HSPA12A: variants seen among roughly 807,000 people sequenced by gnomAD.
The protein encoded by HSPA12A is heat shock protein family A (Hsp70) member 12A, also known as heat shock 70 kDa protein 12A.
In HSPA12A, 28 loss-of-function variants were observed where a neutral mutation model predicts 69.2. That is an observed-to-expected ratio of 0.40 (90% CI 0.30 to 0.55). The LOEUF is 0.55. HSPA12A is among the 20% of genes least tolerant of loss of function. HSPA12A has a pLI of 0.38. For synonymous variants in HSPA12A, 345 were observed against 370.5 expected (o/e 0.93, Z 0.79); for missense variants, 686 against 900.7 (o/e 0.76, Z 3.05).
chr10:116,755,671 G>C (rs970384237), intron 2 of HSPA12A, among the ~76,000 whole-genome samples: 1 of 150,650 alleles, frequency 6.6e-6, no homozygotes, highest in Admixed American at 6.6e-5. Flanking sequence ...CTTATTAAGC[G>C]GGGGATTGGG....
intron 1 of HSPA12A, among the ~76,000 whole-genome samples, chr10:116,741,167 T>C (rs1300679202): frequency 6.6e-6 from 1 of 151,604 alleles, no homozygotes; most frequent in African/African-American, 2.4e-5. Flanking sequence ...CACCCTGCAC[T>C]CCCCCACCAC....
chr10:116,693,709 C>A (rs781951511), intron 5 of HSPA12A, among the ~76,000 whole-genome samples: 2 of 152,214 alleles, frequency 1.3e-5, no homozygotes, highest in African/African-American at 2.4e-5. Flanking sequence ...GTCTGGCCCA[C>A]CCTCTCTCTC....
intron 2 of HSPA12A, among the ~76,000 whole-genome samples, chr10:116,822,082 C>T (rs933993165): frequency 6.6e-6 from 1 of 152,220 alleles, no homozygotes; most frequent in African/African-American, 2.4e-5. Context: ...TAGTATTTCA[C>T]TTTGTGTAAA....
intron 1 of HSPA12A, among the ~76,000 whole-genome samples, chr10:116,729,250 A>G (rs555748949): frequency 1.3e-5 from 2 of 152,118 alleles, no homozygotes; most frequent in Non-Finnish European, 2.9e-5. Context: ...GACTGGTAAG[A>G]GCCCCAGCGT....
intron 2 of HSPA12A, among the ~76,000 whole-genome samples, chr10:116,706,803 G>A (rs946569787): frequency 1.3e-5 from 2 of 152,150 alleles, no homozygotes; most frequent in Non-Finnish European, 2.9e-5. Context: ...GCAGACAACC[G>A]CAGTCAACAG....
intron 4 of HSPA12A, 69 bp from the exon 5 acceptor site, chr10:116,698,808 C>T: frequency 7.9e-7 from 1 of 1,267,686 alleles, no homozygotes; most frequent in East Asian, 2.3e-5. Flanking sequence ...GCTTTGGGGA[C>T]TGCTCCAAGG....
intron 2 of HSPA12A, among the ~76,000 whole-genome samples, chr10:116,806,899 G>A (rs1294087746): frequency 2.0e-5 from 3 of 152,242 alleles, no homozygotes; most frequent in African/African-American, 7.2e-5. Flanking sequence ...AGGATTTGGA[G>A]ATGAGGAGAT....
At chr10:116,707,720 C>T (rs1554882677) in intron 1 of HSPA12A, among the ~76,000 whole-genome samples, 2 of 152,142 alleles carry the variant, frequency 1.3e-5, no homozygotes, top group Admixed American at 1.3e-4. Context: ...CTCGGGTTCC[C>T]AAAGGGGTGA....
At chr10:116,701,626 G>A (rs1850078731) in intron 3 of HSPA12A, among the ~76,000 whole-genome samples, 1 of 152,236 alleles carries the variant, frequency 6.6e-6, no homozygotes, top group African/African-American at 2.4e-5. Context: ...GCAGGATTCG[G>A]GGGAGAACTG....
intron 2 of HSPA12A, among the ~76,000 whole-genome samples, chr10:116,813,880 C>A (rs1263765993): frequency 6.6e-6 from 1 of 151,924 alleles, no homozygotes; most frequent in African/African-American, 2.4e-5. Context: ...TGAGAGGGAC[C>A]TTGTTGCTAA....
At chr10:116,841,305 C>A (rs1845797458) in intron 1 of HSPA12A, among the ~76,000 whole-genome samples, 2 of 152,202 alleles carry the variant, frequency 1.3e-5, no homozygotes, top group African/African-American at 4.8e-5. Flanking sequence ...TTTTAGAAAT[C>A]ATATTTCAGT....
chr10:116,745,581 T>A (rs1851630636), upstream of HSPA12A, among the ~76,000 whole-genome samples: 1 of 152,234 alleles, frequency 6.6e-6, no homozygotes, highest in African/African-American at 2.4e-5. Context: ...CAGAGCCAAG[T>A]GACCACCTTC....
chr10:116,849,548 T>C lies in HSPA12A; in HGVS notation c.3+18A>G, dbSNP rs1011392592. The C allele has an allele frequency of 3.1e-5, 47 of 1,515,412 alleles. No homozygotes were observed. In the African/African-American group the frequency reaches 6.1e-4, roughly 20 times the overall value. The allele number at this position is 1,515,412 out of a possible 1,614,324, so 93.9% of individuals were successfully genotyped here. On this transcript the variant is annotated intron_variant, in intron 1 of 12. Coordinates refer to the HSPA12A transcript ENST00000635765. Reference sequence around the variant, plus strand: ...TGGGACCCCAGGCTAAACCCCGCTGTAGCCTTAAATCTCCTACCATGGAGG... The same window carrying C: ...TGGGACCCCAGGCTAAACCCCGCTGCAGCCTTAAATCTCCTACCATGGAGG...
At chr10:116,718,839 C>T (rs1589657784) in intron 1 of HSPA12A, among the ~76,000 whole-genome samples, 1 of 151,716 alleles carries the variant, frequency 6.6e-6, no homozygotes, top group Non-Finnish European at 1.5e-5. Context: ...AAGTAAAGCT[C>T]AAGCAGAGGC....
chr10:116,717,288 C>T (rs1850635991), intron 1 of HSPA12A, among the ~76,000 whole-genome samples: 1 of 152,192 alleles, frequency 6.6e-6, no homozygotes. Context: ...AAGGCATCAT[C>T]TCTAACTACG....
At chr10:116,685,470 A>T (rs1849552780) in intron 6 of HSPA12A, among the ~76,000 whole-genome samples, 1 of 151,512 alleles carries the variant, frequency 6.6e-6, no homozygotes, top group Non-Finnish European at 1.5e-5. Context: ...CCCCGTCTCT[A>T]CTAAAAAAAA....
intron 1 of HSPA12A, chr10:116,849,362 T>G: frequency 1.7e-6 from 1 of 598,062 alleles, no homozygotes; most frequent in African/African-American, 1.9e-5. Context: ...CCCCCGGACC[T>G]AATGCCGCAG....
chr10:116,745,229 A>G (rs1021630764), upstream of HSPA12A, among the ~76,000 whole-genome samples: 3 of 152,214 alleles, frequency 2.0e-5, no homozygotes. Flanking sequence ...CATGGCAGGC[A>G]CTTAATAAAT....
chr10:116,784,956 C>T (rs1844545870), intron 2 of HSPA12A, among the ~76,000 whole-genome samples: 1 of 152,134 alleles, frequency 6.6e-6, no homozygotes, highest in Non-Finnish European at 1.5e-5. Context: ...ACAGGAGAAA[C>T]CAGAGAGGCC....
Sources: gnomAD v4.1 joint callset for allele counts (sites outside exome capture counted in the v4.1 genomes callset) on GRCh38, gnomAD v4.1.1 for gene constraint, MANE v1.5 for transcripts, NCBI Gene and HGNC (gene_info 2026-07-23, HGNC 2026-07-21) for gene names.